DPP10: variants seen among roughly 807,000 people sequenced by gnomAD.
DPP10 encodes inactive dipeptidyl peptidase 10.
In DPP10, 33 loss-of-function variants were observed where a neutral mutation model predicts 120.9. The observed-to-expected ratio is 0.27, with a 90% CI of 0.21 to 0.37. The LOEUF is 0.37. DPP10 is among the 10% of genes least tolerant of loss of function. DPP10 has a pLI of 1.00. For synonymous variants in DPP10, 337 were observed against 326.1 expected, an observed-to-expected ratio of 1.03 and a Z score of -0.36; for missense variants, 816 against 942.8, an observed-to-expected ratio of 0.87 and a Z score of 1.76.
At chr2:114,737,894 A>G (rs1257151338) in intron 1 of DPP10, among the ~76,000 whole-genome samples, 1 of 152,238 alleles carries the variant, frequency 6.6e-6, no homozygotes, top group Non-Finnish European at 1.5e-5. Context: ...TTCAATTCTT[A>G]CATTGCTATG....
At chr2:115,656,598 C>G (rs1334628086) in intron 5 of DPP10, among the ~76,000 whole-genome samples, 1 of 151,624 alleles carries the variant, frequency 6.6e-6, no homozygotes, top group Non-Finnish European at 1.5e-5. Context: ...TTGCAAAAAA[C>G]TCTTGGCTAT....
chr2:115,291,153 G>A (rs542528444), intron 1 of DPP10, among the ~76,000 whole-genome samples: 101 of 152,092 alleles, frequency 6.6e-4, no homozygotes, highest in African/African-American at 2.4e-3. Context: ...ACAGGTATGT[G>A]CCGCCATGCC....
intron 1 of DPP10, among the ~76,000 whole-genome samples, chr2:115,217,851 G>A (rs1178714003): frequency 2.0e-5 from 3 of 151,936 alleles, no homozygotes; most frequent in South Asian, 2.1e-4. Flanking sequence ...TGACTTACTT[G>A]TCTGATTCAC....
chr2:115,817,868 G>A (rs1559196901), intron 21 of DPP10, among the ~76,000 whole-genome samples: 1 of 151,974 alleles, frequency 6.6e-6, no homozygotes, highest in Admixed American at 6.5e-5. Flanking sequence ...TATTACATGA[G>A]GTGTCTAGAG....
chr2:114,802,770 T>C (rs1684371367), intron 1 of DPP10, among the ~76,000 whole-genome samples: 1 of 152,216 alleles, frequency 6.6e-6, no homozygotes, highest in Non-Finnish European at 1.5e-5. Context: ...GAGAGAATGA[T>C]AAGTACCTGA....
At chr2:115,254,878 C>T (rs796813106) in intron 1 of DPP10, among the ~76,000 whole-genome samples, 30 of 152,276 alleles carry the variant, frequency 2.0e-4, no homozygotes, top group Middle Eastern at 3.4e-3. Context: ...TGTGGCTTTT[C>T]GGGGTACAGG....
At chr2:115,800,005 G>A (rs1404556243) in intron 19 of DPP10, among the ~76,000 whole-genome samples, 14 of 151,082 alleles carry the variant, frequency 9.3e-5, no homozygotes, top group East Asian at 1.9e-4. Flanking sequence ...CTGAGGAATC[G>A]CCACACCGAC....
chr2:115,216,898 TATACACATATATACAC>T, intron 1 of DPP10, among the ~76,000 whole-genome samples: 1 of 151,856 alleles, frequency 6.6e-6, no homozygotes, highest in Non-Finnish European at 1.5e-5. Flanking sequence ...TGTGTATACG[TATACACATATATACAC>T]GTATATATGT....
chr2:114,945,195 A>G (rs558506769), intron 1 of DPP10, among the ~76,000 whole-genome samples: 2 of 152,240 alleles, frequency 1.3e-5, no homozygotes, highest in Non-Finnish European at 2.9e-5. Flanking sequence ...GTGATATTTT[A>G]GATACAATAC....
At chr2:114,511,496 T>G (rs1301793407) in intron 1 of DPP10, among the ~76,000 whole-genome samples, 2 of 152,214 alleles carry the variant, frequency 1.3e-5, no homozygotes, top group Non-Finnish European at 2.9e-5. Context: ...TGGCTATTTT[T>G]GAACACCATC....
intron 5 of DPP10, among the ~76,000 whole-genome samples, chr2:115,566,343 T>A (rs1452685870): frequency 1.3e-5 from 2 of 152,174 alleles, no homozygotes; most frequent in Non-Finnish European, 2.9e-5. Flanking sequence ...GATTTTTTTC[T>A]ATATGGTGGT....
intron 1 of DPP10, among the ~76,000 whole-genome samples, chr2:114,677,685 ATATAGT>A (rs1431349140): frequency 1.3e-5 from 2 of 152,142 alleles, no homozygotes; most frequent in Non-Finnish European, 2.9e-5. Flanking sequence ...CAGCGAATCA[ATATAGT>A]TAAAGGAATA....
chr2:114,696,326 A>G (rs561852971), intron 1 of DPP10, among the ~76,000 whole-genome samples: 1 of 152,228 alleles, frequency 6.6e-6, no homozygotes, highest in East Asian at 1.9e-4. Flanking sequence ...AAATCCAGGT[A>G]TGGAAAATCT....
intron 1 of DPP10, among the ~76,000 whole-genome samples, chr2:115,298,778 C>T (rs1025541126): frequency 2.6e-5 from 4 of 151,984 alleles, no homozygotes; most frequent in African/African-American, 9.7e-5. Context: ...TTTTTATTTT[C>T]AACAAGCTTT....
rs892958929 is a variant in DPP10, at chr2:114,655,884, C to T, written c.60+213046C>T. Among the ~76,000 whole-genome samples, 3 of 151,992 alleles carry T rather than the reference C, an allele frequency of 2.0e-5. No individual in the cohort carries two copies. In the East Asian group the frequency reaches 5.8e-4, roughly 30 times the overall value. Reference sequence around the variant, plus strand: ...GCAATTCCATTATTTTTGATTCTGCCGAGAGTGGGACCTAATTCTGTCAAA... The same window carrying T: ...GCAATTCCATTATTTTTGATTCTGCTGAGAGTGGGACCTAATTCTGTCAAA... On this transcript the variant is annotated intron_variant, in intron 1 of 25. Transcript: ENST00000410059.
chr2:115,639,767 A>G (rs1381582371), intron 5 of DPP10, among the ~76,000 whole-genome samples: 1 of 152,118 alleles, frequency 6.6e-6, no homozygotes, highest in Non-Finnish European at 1.5e-5. Flanking sequence ...TTGATTCAGG[A>G]ATCTGCATTT....
intron 5 of DPP10, among the ~76,000 whole-genome samples, chr2:115,592,932 AT>A (rs1434987815): frequency 1.3e-5 from 2 of 152,178 alleles, no homozygotes; most frequent in East Asian, 3.8e-4. Flanking sequence ...AAATAAATAT[AT>A]TTTTGGATAA....
At chr2:115,467,850 TACAA>T (rs2074427019) in intron 3 of DPP10, among the ~76,000 whole-genome samples, 1 of 152,180 alleles carries the variant, frequency 6.6e-6, no homozygotes, top group Non-Finnish European at 1.5e-5. Context: ...CAGGAATGAT[TACAA>T]ACAAAGATAG....
At chr2:115,304,543 C>A (rs1574358311) in intron 1 of DPP10, among the ~76,000 whole-genome samples, 1 of 151,986 alleles carries the variant, frequency 6.6e-6, no homozygotes. Flanking sequence ...ATTTCAATAT[C>A]TCAATGATTT....
Sources: allele counts gnomAD v4.1 joint callset (sites outside exome capture counted in the v4.1 genomes callset), GRCh38; gene constraint gnomAD v4.1.1; transcripts MANE v1.5; gene names NCBI Gene and HGNC (gene_info 2026-07-23, HGNC 2026-07-21).